HERC3: variants seen among roughly 807,000 people sequenced by gnomAD.
HERC3 encodes the protein HECT and RLD domain containing E3 ubiquitin protein ligase 3.
Under a neutral mutation model 129.9 loss-of-function variants are expected in HERC3, and 58 were observed. That is an observed-to-expected ratio of 0.45 (90% CI 0.36 to 0.56). The LOEUF (loss-of-function observed/expected upper bound fraction) is 0.56. Among genes scored for constraint, HERC3 ranks in the 20% least tolerant of loss-of-function variants. HERC3 has a pLI of 0.00. For missense variants in HERC3, 835 were observed against 1,244.2 expected (o/e 0.67, Z 4.95); for synonymous variants, 430 against 451.0 (o/e 0.95, Z 0.59).
rs185487685 is a variant in HERC3, at chr4:88,631,369, C to T, written c.227-18471C>T. Among the ~76,000 whole-genome samples, 39 of 152,290 alleles carry T rather than the reference C, an allele frequency of 2.6e-4. No individual in the cohort carries two copies. In the South Asian group the frequency reaches 3.3e-3, roughly 13 times the overall value. On this transcript the variant is annotated intron_variant, in intron 3 of 25. Coordinates refer to ENST00000402738, the MANE Select transcript of HERC3 (RefSeq NM_014606.3). ...ACTTGAGAGGCTGAGGCAGGAGAAT[C>T]ACTTGAACCCAGGAGGCAGAGGTTA...
chr4:88,529,971 G>A, the HERC3 span, among the ~76,000 whole-genome samples: 1 of 152,102 alleles, frequency 6.6e-6, no homozygotes, highest in East Asian at 1.9e-4. Flanking sequence ...ATTAGGAGGT[G>A]GAAAGGAGGG....
At position 88,694,919 on chromosome 4, in the gene HERC3, G is replaced by C. The variant is rs187996351; in HGVS notation, c.2657+7620G>C. Among the ~76,000 whole-genome samples, 387 of 152,210 alleles carry C rather than the reference G, an allele frequency of 2.5e-3. 3 individuals carry two copies. Among genetic ancestry groups the C allele is most frequent in the African/African-American group, 9.0e-3 (374 of 41,528 alleles). Reference sequence around the variant, plus strand: ...TGTGTATTTATCTGATAACTGGTCAGTTCATCAAACTTATTAAATTGAATT... The same window carrying C: ...TGTGTATTTATCTGATAACTGGTCACTTCATCAAACTTATTAAATTGAATT... On this transcript the variant is annotated intron_variant, in intron 23 of 25. Transcript: ENST00000402738.
the HERC3 span, among the ~76,000 whole-genome samples, chr4:88,560,219 CA>C: frequency 6.6e-6 from 1 of 152,170 alleles, no homozygotes; most frequent in African/African-American, 2.4e-5. Flanking sequence ...CTCGGCCTCC[CA>C]AAGTGCTGGG....
chr4:88,563,416 T>C, the HERC3 span, among the ~76,000 whole-genome samples: 2 of 152,208 alleles, frequency 1.3e-5, no homozygotes, highest in Admixed American at 1.3e-4. Flanking sequence ...TCTTTAGGTT[T>C]TTCCAATTAC....
At chr4:88,633,287 TGAA>T (rs1199893952) in intron 3 of HERC3, among the ~76,000 whole-genome samples, 2 of 152,116 alleles carry the variant, frequency 1.3e-5, no homozygotes, top group Non-Finnish European at 2.9e-5. Flanking sequence ...ACATCAAGAA[TGAA>T]GAAGAGGAAC....
At chr4:88,524,267 A>G in the HERC3 span, among the ~76,000 whole-genome samples, 8 of 152,164 alleles carry the variant, frequency 5.3e-5, no homozygotes, top group African/African-American at 1.9e-4. Context: ...TAGGCCTCTG[A>G]CCCTCCAAAA....
chr4:88,569,473 A>G, the HERC3 span, among the ~76,000 whole-genome samples: 1 of 152,198 alleles, frequency 6.6e-6, no homozygotes, highest in African/African-American at 2.4e-5. Flanking sequence ...GTACTTTCTT[A>G]TGTGGATAGC....
chr4:88,562,261 C>T, the HERC3 span, among the ~76,000 whole-genome samples: 1 of 152,064 alleles, frequency 6.6e-6, no homozygotes, highest in Non-Finnish European at 1.5e-5. Context: ...ATGTTGAGCA[C>T]CTTTTCATAT....
the HERC3 span, among the ~76,000 whole-genome samples, chr4:88,551,556 G>T: frequency 6.6e-6 from 1 of 151,236 alleles, no homozygotes. Context: ...CTGGCCATCA[G>T]AGAAATGCAA....
chr4:88,689,062 G>A (rs1345057025), intron 23 of HERC3, among the ~76,000 whole-genome samples: 2 of 152,170 alleles, frequency 1.3e-5, no homozygotes, highest in Non-Finnish European at 2.9e-5. Context: ...GATGCTGTTT[G>A]TACGCATGCA....
intron 2 of HERC3, among the ~76,000 whole-genome samples, chr4:88,598,509 C>T (rs1280880801): frequency 6.6e-6 from 1 of 152,230 alleles, no homozygotes; most frequent in African/African-American, 2.4e-5. Context: ...GTCACAATCC[C>T]ATCCTCTTTT....
chr4:88,618,818 C>G (rs1366999024), intron 3 of HERC3, among the ~76,000 whole-genome samples: 5 of 152,214 alleles, frequency 3.3e-5, no homozygotes, highest in African/African-American at 1.2e-4. Flanking sequence ...TTATGAATTA[C>G]CATTTAACTG....
chr4:88,552,055 G>A, the HERC3 span, among the ~76,000 whole-genome samples: 7 of 145,104 alleles, frequency 4.8e-5, 1 homozygote, highest in South Asian at 1.5e-3. Flanking sequence ...AATACCGCAT[G>A]TTCTCACTCA....
the HERC3 span, among the ~76,000 whole-genome samples, chr4:88,568,852 A>G: frequency 1.3e-5 from 2 of 151,822 alleles, no homozygotes; most frequent in African/African-American, 4.8e-5. Context: ...ACAAAGTCCT[A>G]TCTACTCTCC....
Position 88,654,059 on chromosome 4 carries a change from C to T in HERC3, c.703C>T (p.His235Tyr). The change falls in exon 7 of 26, where the codon CAT becomes TAT. Residue 235 changes from histidine (H) to tyrosine (Y), a missense_variant. Coordinates refer to ENST00000402738, the MANE Select transcript of HERC3 (RefSeq NM_014606.3). The part of the protein sequence containing the change: ...SDEKDRESPC[H>Y]VKLLRTQKVV... ...TATTCTAGATCGAGAATCTCCATGC[C>T]ATGTAAAACTCTTACGCACGCAAAA... 1 of 1,610,744 alleles carries T rather than the reference C, an allele frequency of 6.2e-7. No homozygotes were observed. Among genetic ancestry groups the T allele is most frequent in the Non-Finnish European group, 8.5e-7 (1 of 1,177,376 alleles).
chr4:88,669,835 A>G (rs1392453289), intron 14 of HERC3, 25 bp from the exon 15 acceptor site: 3 of 1,597,470 alleles, frequency 1.9e-6, no homozygotes, highest in Non-Finnish European at 2.6e-6. Context: ...ACATGTTGAA[A>G]TATGTCTTTT....
intron 2 of HERC3, among the ~76,000 whole-genome samples, chr4:88,604,249 C>T (rs561005026): frequency 1.3e-5 from 2 of 152,296 alleles, no homozygotes; most frequent in South Asian, 4.1e-4. Context: ...GAACTCCCGA[C>T]CTCAGGTGGT....
rs527674819 is a variant in HERC3 at position 88,678,495 on chromosome 4, A to G, written c.2196+361A>G. On this transcript the variant is annotated intron_variant, in intron 19 of 25. Coordinates refer to ENST00000402738, the MANE Select transcript of HERC3 (RefSeq NM_014606.3). The stretch of plus-strand genomic sequence containing the variant: ...TGTAGATATCAAAGATTTAAGAGAA[A>G]GAAGGTAAAATAGGAAAATGGAAAG... 6.6e-5 allele frequency among the ~76,000 whole-genome samples: 10 copies of G among 152,352 alleles called. No homozygotes were observed. The South Asian group carries it at 1.9e-3, about 28-fold the overall frequency.
intron 23 of HERC3, among the ~76,000 whole-genome samples, chr4:88,698,147 C>T (rs1487388183): frequency 2.0e-5 from 3 of 152,128 alleles, no homozygotes; most frequent in Admixed American, 1.3e-4. Context: ...CTCCTCACCC[C>T]CATCCAGGCC....
Sources: allele counts gnomAD v4.1 joint callset (sites outside exome capture counted in the v4.1 genomes callset), GRCh38; gene constraint gnomAD v4.1.1; transcripts MANE v1.5; gene names NCBI Gene and HGNC (gene_info 2026-07-23, HGNC 2026-07-21).